Variants in FAM222B observed in about 807,000 individuals in gnomAD.
FAM222B encodes the protein protein FAM222B.
A neutral mutation model predicts 38.0 loss-of-function variants in FAM222B; 12 were observed. The observed-to-expected ratio is 0.32, with a 90% CI of 0.20 to 0.51. The LOEUF (loss-of-function observed/expected upper bound fraction) is 0.51. Among genes scored for constraint, FAM222B ranks in the 20% least tolerant of loss-of-function variants. The pLI, the probability that FAM222B is intolerant of heterozygous loss-of-function variation, is 0.97. For missense variants in FAM222B, 716 were observed against 754.2 expected (o/e 0.95, Z 0.59); for synonymous variants, 329 against 317.2 (o/e 1.04, Z -0.40).
intron 1 of FAM222B, among the ~76,000 whole-genome samples, chr17:28,834,066 C>T (rs2038758872): frequency 6.6e-6 from 1 of 152,128 alleles, no homozygotes; most frequent in Non-Finnish European, 1.5e-5. Context: ...ACCCGTCCTC[C>T]AATATAAAGT....
intron 1 of FAM222B, among the ~76,000 whole-genome samples, chr17:28,811,611 G>T (rs2037771549): frequency 6.6e-6 from 1 of 152,200 alleles, no homozygotes; most frequent in African/African-American, 2.4e-5. Flanking sequence ...TTCAGCAACA[G>T]CAAGGTAAGT....
At chr17:28,798,976 T>G (rs1407600010) in intron 1 of FAM222B, among the ~76,000 whole-genome samples, 4 of 146,654 alleles carry the variant, frequency 2.7e-5, no homozygotes, top group Non-Finnish European at 3.0e-5. Flanking sequence ...AATCCTGTTG[T>G]TTTTTTTTTC....
At chr17:28,783,885 TC>T (rs751513766) in intron 1 of FAM222B, among the ~76,000 whole-genome samples, 1 of 151,866 alleles carries the variant, frequency 6.6e-6, no homozygotes, top group Non-Finnish European at 1.5e-5. Flanking sequence ...TGCAACCTCT[TC>T]CTCCTGGGTT....
intron 1 of FAM222B, among the ~76,000 whole-genome samples, chr17:28,794,115 G>A (rs2036828583): frequency 6.6e-6 from 1 of 151,954 alleles, no homozygotes; most frequent in Non-Finnish European, 1.5e-5. Flanking sequence ...CTTAGAAAGA[G>A]TACACAACAA....
At chr17:28,833,526 T>C (rs2038737827) in intron 1 of FAM222B, among the ~76,000 whole-genome samples, 1 of 148,962 alleles carries the variant, frequency 6.7e-6, no homozygotes. Context: ...GGCAGGAGAA[T>C]TCCTTGAACC....
chr17:28,814,330 T>C (rs756635587), intron 1 of FAM222B, among the ~76,000 whole-genome samples: 43 of 152,256 alleles, frequency 2.8e-4, no homozygotes, highest in Admixed American at 7.2e-4. Context: ...CGAACACTAC[T>C]ATAATTTAAA....
chr17:28,759,327 G>C lies in FAM222B; in HGVS notation c.632C>G (p.Pro211Arg), dbSNP rs768129084. The C allele has an allele frequency of 3.3e-5, 53 of 1,610,962 alleles. No individual in the cohort carries two copies. The highest frequency in any genetic ancestry group is 4.3e-5 in the Non-Finnish European group (51 of 1,178,870). The change falls in exon 3 of 3, where the codon CCT becomes CGT. Residue 211 changes from proline (P) to arginine (R), a missense_variant. Physicochemically the swap from Pro to Arg is moderately radical, Grantham distance 103. Coordinates refer to ENST00000581407, the MANE Select transcript of FAM222B (RefSeq NM_001077498.3). This position sits in a 1 kb window ranked among gnomAD's most constrained non-coding sequence, Gnocchi z 4.8. ...GAGACCCTGGTGAGCCAGGGCCTGA[G>C]GGTGGACCAAGCCCTGGGTTTGGGC... ...PMAQTQGLVHPQALAHQGLQH... is the reference protein window; with the variant it reads ...PMAQTQGLVHRQALAHQGLQH...
chr17:28,771,783 G>A (rs922180019), intron 1 of FAM222B, among the ~76,000 whole-genome samples: 46 of 152,036 alleles, frequency 3.0e-4, no homozygotes, highest in African/African-American at 9.2e-4. Context: ...GGCCAGGTGC[G>A]GTGGCTCACG....
chr17:28,788,535 G>A (rs751989237), intron 1 of FAM222B, among the ~76,000 whole-genome samples: 5 of 151,954 alleles, frequency 3.3e-5, no homozygotes, highest in African/African-American at 9.7e-5. Context: ...CACCGCGTCC[G>A]GCCTCAGTAT....
intron 1 of FAM222B, among the ~76,000 whole-genome samples, chr17:28,793,312 ACT>A (rs1414241769): frequency 2.6e-5 from 4 of 151,970 alleles, no homozygotes; most frequent in Non-Finnish European, 4.4e-5. Flanking sequence ...TGTCATGCAA[ACT>A]CTCTTATATT....
intron 1 of FAM222B, among the ~76,000 whole-genome samples, chr17:28,815,894 G>A (rs2151936876): frequency 6.6e-6 from 1 of 151,736 alleles, no homozygotes; most frequent in Middle Eastern, 3.4e-3. Flanking sequence ...TTGAAACCGG[G>A]AGGCGCAGGT....
chr17:28,795,377 T>A (rs1054380825), intron 1 of FAM222B, among the ~76,000 whole-genome samples: 34 of 152,176 alleles, frequency 2.2e-4, no homozygotes, highest in Admixed American at 1.3e-4. Flanking sequence ...ACTCCTGACC[T>A]CAAGTGATCC....
intron 1 of FAM222B, among the ~76,000 whole-genome samples, chr17:28,850,770 C>T (rs1288485808): frequency 6.6e-6 from 1 of 152,046 alleles, no homozygotes; most frequent in African/African-American, 2.4e-5. Context: ...AGAAACTTCT[C>T]GTGTGCAGTG....
intron 1 of FAM222B, among the ~76,000 whole-genome samples, chr17:28,850,314 C>G (rs1336668509): frequency 6.9e-6 from 1 of 145,370 alleles, no homozygotes; most frequent in Non-Finnish European, 1.5e-5. Flanking sequence ...TTTTTTTTTT[C>G]TTTTTAAGAC....
intron 1 of FAM222B, among the ~76,000 whole-genome samples, chr17:28,794,734 CTT>C (rs2036859512): frequency 1.3e-5 from 2 of 152,158 alleles, no homozygotes; most frequent in African/African-American, 4.8e-5. Flanking sequence ...AATTATGTCC[CTT>C]GTTTCTATCC....
intron 1 of FAM222B, among the ~76,000 whole-genome samples, chr17:28,768,527 C>T (rs541527954): frequency 1.6e-4 from 24 of 151,862 alleles, no homozygotes; most frequent in Non-Finnish European, 2.8e-4. Flanking sequence ...GAGCCAACTT[C>T]AGTGCCTCAA....
chr17:28,830,354 GT>G (rs1374943544), intron 1 of FAM222B, among the ~76,000 whole-genome samples: 1 of 151,368 alleles, frequency 6.6e-6, no homozygotes, highest in Non-Finnish European at 1.5e-5. Context: ...TAGAGAAGCG[GT>G]TTCACCGTGT....
upstream of FAM222B, among the ~76,000 whole-genome samples, chr17:28,847,770 C>T (rs1454022863): frequency 6.6e-6 from 1 of 151,644 alleles, no homozygotes; most frequent in Admixed American, 6.6e-5. Context: ...AAAAATGAGC[C>T]GGGCGCCATG....
At chr17:28,816,254 G>A (rs775497121) in intron 1 of FAM222B, among the ~76,000 whole-genome samples, 13 of 152,000 alleles carry the variant, frequency 8.6e-5, no homozygotes, top group Non-Finnish European at 1.6e-4. Flanking sequence ...TCCAGCCTGG[G>A]CGAGTGGGAC....
Sources: allele counts gnomAD v4.1 joint callset (sites outside exome capture counted in the v4.1 genomes callset), GRCh38; gene constraint gnomAD v4.1.1; non-coding constraint Gnocchi (gnomAD v3.1); transcripts MANE v1.5; gene names NCBI Gene and HGNC (gene_info 2026-07-23, HGNC 2026-07-21).